GALNT10: variants seen among roughly 807,000 people sequenced by gnomAD.
GALNT10 encodes the protein GalNAc transferase 10.
Under a neutral mutation model 75.0 loss-of-function variants are expected in GALNT10, and 41 were observed. The ratio of observed to expected loss-of-function variants is 0.55; its 90% CI spans 0.43 to 0.71. The LOEUF (loss-of-function observed/expected upper bound fraction) is 0.71. GALNT10 is among the 30% of genes least tolerant of loss of function. The pLI is 0.00. For synonymous variants in GALNT10, 302 were observed against 313.0 expected (o/e 0.96, Z 0.37); for missense variants, 727 against 818.5 (o/e 0.89, Z 1.36).
chr5:154,207,852 C>T (rs1314909353), intron 1 of GALNT10, among the ~76,000 whole-genome samples: 3 of 152,200 alleles, frequency 2.0e-5, no homozygotes, highest in Non-Finnish European at 2.9e-5. Context: ...TCATGAGCTA[C>T]ACTCCATCCT....
At chr5:154,337,409 C>T in intron 4 of GALNT10, 1 of 607,274 alleles carries the variant, frequency 1.6e-6, no homozygotes, top group Non-Finnish European at 3.0e-6. Context: ...TAACCTGTAG[C>T]TTCCCCGTCA....
intron 1 of GALNT10, among the ~76,000 whole-genome samples, chr5:154,279,012 G>A (rs774290452): frequency 7.9e-5 from 12 of 152,064 alleles, no homozygotes; most frequent in Non-Finnish European, 1.5e-4. Flanking sequence ...ATGAACATTG[G>A]CCTAGGAATG....
Position 154,380,439 on chromosome 5 carries a change from C to G in GALNT10, c.755-9C>G. ...GCTTCATCTGATAGGCATCTCTTGG[C>G]TTCTTCAGACCGCATTGCTCGGAAC... On this transcript the variant is annotated splice_polypyrimidine_tract_variant and intron_variant, in intron 5 of 11. Coordinates refer to ENST00000297107, the MANE Select transcript of GALNT10 (RefSeq NM_198321.4). 6.2e-7 allele frequency: 1 copy of G among 1,609,132 alleles called. No individual in the cohort carries two copies. Among genetic ancestry groups the G allele is most frequent in the African/African-American group, 1.3e-5 (1 of 74,978 alleles).
At chr5:154,315,807 C>T (rs1754587123) in intron 3 of GALNT10, among the ~76,000 whole-genome samples, 1 of 152,244 alleles carries the variant, frequency 6.6e-6, no homozygotes, top group Admixed American at 6.5e-5. Flanking sequence ...CATGACTGAC[C>T]TGATCAGCAT....
At chr5:154,338,270 T>C in intron 4 of GALNT10, 1 of 677,104 alleles carries the variant, frequency 1.5e-6, no homozygotes, top group East Asian at 2.7e-5. Context: ...GCCCCTGGAG[T>C]GCTTGGTGCT....
intron 4 of GALNT10, among the ~76,000 whole-genome samples, chr5:154,369,940 G>A (rs997369397): frequency 2.0e-5 from 3 of 152,240 alleles, no homozygotes; most frequent in Non-Finnish European, 4.4e-5. Context: ...GCATGGGACA[G>A]TAGAGCTCTT....
chr5:154,337,812 C>A, intron 4 of GALNT10: 12 of 989,700 alleles, frequency 1.2e-5, no homozygotes, highest in Non-Finnish European at 1.3e-5. Flanking sequence ...ACCACCTCCA[C>A]AACCACCACC....
rs956509965 is a variant in GALNT10 at position 154,376,567 on chromosome 5, C to T, written c.754+105C>T. ...ATCCATAAGCCTTCCCTTGCCTGTT[C>T]GAGATGCCCCCAGCACAATGCCAGG... On this transcript the variant is annotated intron_variant, in intron 5 of 11. Coordinates refer to ENST00000297107, the MANE Select transcript of GALNT10 (RefSeq NM_198321.4). This position sits in a 1 kb window ranked among gnomAD's most constrained non-coding sequence, Gnocchi z 4.1. 16 of 733,790 alleles carry T rather than the reference C, an allele frequency of 2.2e-5. No homozygotes were observed. Among genetic ancestry groups the T allele is most frequent in the Middle Eastern group, 3.9e-4 (1 of 2,550 alleles). The allele number at this position is 733,790 out of a possible 1,614,324, so 45.5% of individuals were successfully genotyped here. A position where few individuals can be genotyped will look rare whatever the true frequency, so the allele number is the denominator to read the frequency against.
chr5:154,343,707 G>A (rs148908501), intron 4 of GALNT10, among the ~76,000 whole-genome samples: 2 of 152,188 alleles, frequency 1.3e-5, no homozygotes, highest in East Asian at 1.9e-4. Flanking sequence ...CATCAATTCT[G>A]GGGGGTAGAT....
chr5:154,238,510 G>A (rs183472147), intron 1 of GALNT10, among the ~76,000 whole-genome samples: 5 of 152,222 alleles, frequency 3.3e-5, no homozygotes, highest in South Asian at 2.1e-4. Flanking sequence ...TTCTCCCCAC[G>A]TGCATCTTCT....
chr5:154,317,086 C>T (rs1581970436), intron 3 of GALNT10, among the ~76,000 whole-genome samples: 1 of 152,194 alleles, frequency 6.6e-6, no homozygotes, highest in African/African-American at 2.4e-5. Flanking sequence ...GAAACTGAGG[C>T]TCATCATGGG....
At chr5:154,245,222 A>G (rs907044046) in intron 1 of GALNT10, among the ~76,000 whole-genome samples, 2 of 152,166 alleles carry the variant, frequency 1.3e-5, no homozygotes, top group African/African-American at 4.8e-5. Context: ...TGGGCATGCA[A>G]AGACAAGGAT....
At position 154,253,498 on chromosome 5, in the gene GALNT10, G is replaced by A. The variant is rs780649635; in HGVS notation, c.160-41318G>A. On this transcript the variant is annotated intron_variant, in intron 1 of 11. Coordinates refer to ENST00000297107, the MANE Select transcript of GALNT10 (RefSeq NM_198321.4). ...CATGGCATATGTAACAAACCTGCAC[G>A]TTGTGCACATGTACTCTAAAACTTA... 3.3e-5 allele frequency among the ~76,000 whole-genome samples: 5 copies of A among 151,766 alleles called. No individual in the cohort carries two copies. The South Asian group carries it at 6.2e-4, about 19-fold the overall frequency.
chr5:154,240,387 A>G (rs934179873), intron 1 of GALNT10, among the ~76,000 whole-genome samples: 3 of 152,250 alleles, frequency 2.0e-5, no homozygotes, highest in African/African-American at 7.2e-5. Context: ...GACCCAATAC[A>G]CAATAGCACT....
intron 1 of GALNT10, among the ~76,000 whole-genome samples, chr5:154,193,982 A>G (rs556106123): frequency 6.6e-6 from 1 of 152,380 alleles, no homozygotes; most frequent in South Asian, 2.1e-4. Context: ...CCTTGAAGAC[A>G]TCTTCCTTTT....
chr5:154,401,405 G>C (rs1030936790), intron 7 of GALNT10, among the ~76,000 whole-genome samples: 49 of 152,236 alleles, frequency 3.2e-4, no homozygotes, highest in African/African-American at 1.2e-3. Flanking sequence ...GGGCAGCCCA[G>C]CAGCGACCTG....
chr5:154,297,845 C>A (rs1030858953), intron 2 of GALNT10, 96 bp from the exon 3 acceptor site: 13 of 1,144,078 alleles, frequency 1.1e-5, no homozygotes, highest in Admixed American at 4.4e-5. Context: ...CAAGTTTTAT[C>A]TTGGAGGTTT....
At chr5:154,276,002 G>A (rs1227942201) in intron 1 of GALNT10, among the ~76,000 whole-genome samples, 3 of 152,168 alleles carry the variant, frequency 2.0e-5, no homozygotes, top group East Asian at 3.8e-4. Flanking sequence ...AATACAATCT[G>A]CCATACTATT....
chr5:154,375,743 G>T (rs1381273601), intron 4 of GALNT10, among the ~76,000 whole-genome samples: 1 of 152,162 alleles, frequency 6.6e-6, no homozygotes, highest in African/African-American at 2.4e-5. Context: ...AAAGGAAAGG[G>T]CCTCATTTTT....
Sources: allele counts gnomAD v4.1 joint callset (sites outside exome capture counted in the v4.1 genomes callset), GRCh38; gene constraint gnomAD v4.1.1; non-coding constraint Gnocchi (gnomAD v3.1); transcripts MANE v1.5; gene names NCBI Gene and HGNC (gene_info 2026-07-23, HGNC 2026-07-21).